PPFIA2: variants seen among roughly 807,000 people sequenced by gnomAD.
PPFIA2 encodes PPFI scaffold protein A2, also known as liprin-alpha-2.
In PPFIA2, 46 loss-of-function variants were observed where a neutral mutation model predicts 175.5. The observed-to-expected ratio is 0.26, with a 90% CI of 0.21 to 0.34. The LOEUF is 0.34. PPFIA2 is among the 10% of genes least tolerant of loss of function. PPFIA2 has a pLI of 1.00. For synonymous variants in PPFIA2, 568 were observed against 511.4 expected (o/e 1.11, Z -1.49); for missense variants, 1,179 against 1,506.1 (o/e 0.78, Z 3.60).
intron 7 of PPFIA2, among the ~76,000 whole-genome samples, chr12:81,420,449 TG>T: frequency 6.6e-6 from 1 of 150,942 alleles, no homozygotes; most frequent in Admixed American, 6.6e-5. Context: ...GAACAATACA[TG>T]AAAAAAATAA....
intron 13 of PPFIA2, among the ~76,000 whole-genome samples, chr12:81,367,704 A>C (rs1595671179): frequency 1.3e-5 from 2 of 151,690 alleles, no homozygotes; most frequent in African/African-American, 4.8e-5. Context: ...ACCTAATATT[A>C]CATGTCACAA....
intron 22 of PPFIA2, among the ~76,000 whole-genome samples, chr12:81,325,366 A>G (rs1264533737): frequency 6.6e-6 from 1 of 152,128 alleles, no homozygotes; most frequent in African/African-American, 2.4e-5. Context: ...GTTTATATTC[A>G]ATCAGTCAGA....
intron 4 of PPFIA2, among the ~76,000 whole-genome samples, chr12:81,649,529 C>T (rs1595992961): frequency 6.6e-6 from 1 of 152,066 alleles, no homozygotes; most frequent in Admixed American, 6.6e-5. Flanking sequence ...TAAATATGCA[C>T]TCATTGGAAA....
At chr12:81,422,865 A>T (rs1249316441) in intron 7 of PPFIA2, among the ~76,000 whole-genome samples, 1 of 152,114 alleles carries the variant, frequency 6.6e-6, no homozygotes, top group Non-Finnish European at 1.5e-5. Context: ...CTTTTGGGAG[A>T]TGTATTCAAG....
chr12:81,435,913 A>G (rs1004707079), intron 7 of PPFIA2, among the ~76,000 whole-genome samples: 5 of 152,148 alleles, frequency 3.3e-5, no homozygotes, highest in Non-Finnish European at 5.9e-5. Context: ...CAAGATGGCA[A>G]TATGAACTCA....
intron 24 of PPFIA2, among the ~76,000 whole-genome samples, chr12:81,286,126 A>G (rs984507938): frequency 1.3e-5 from 2 of 152,112 alleles, no homozygotes; most frequent in Non-Finnish European, 2.9e-5. Flanking sequence ...TTATAGGACA[A>G]GGATATAAAG....
chr12:81,403,003 C>T (rs74104418), intron 8 of PPFIA2, among the ~76,000 whole-genome samples: 2,562 of 152,058 alleles, frequency 0.017, 66 homozygotes, highest in African/African-American at 0.059. Flanking sequence ...ACATTATACA[C>T]ATTTTAGGTT....
chr12:81,754,346 GT>G (rs1371366150), intron 2 of PPFIA2, 123 bp from the exon 3 acceptor site: 9 of 1,240,978 alleles, frequency 7.3e-6, no homozygotes, highest in African/African-American at 3.0e-5. Flanking sequence ...TCCCCTACCT[GT>G]TGCCCCAAAT....
intron 7 of PPFIA2, among the ~76,000 whole-genome samples, chr12:81,417,565 G>T (rs1376312401): frequency 6.6e-6 from 1 of 150,944 alleles, no homozygotes; most frequent in Non-Finnish European, 1.5e-5. Context: ...GCAATAAAAA[G>T]GATTTATTCA....
chr12:81,696,315 G>T (rs750063325), intron 3 of PPFIA2, among the ~76,000 whole-genome samples: 1 of 152,030 alleles, frequency 6.6e-6, no homozygotes. Context: ...ATTTTGATTT[G>T]CACATTGGCA....
chr12:81,744,421 T>TAA (rs2082763051), intron 3 of PPFIA2, among the ~76,000 whole-genome samples: 1 of 137,962 alleles, frequency 7.2e-6, no homozygotes, highest in Non-Finnish European at 1.6e-5. Flanking sequence ...AAATGCTTTC[T>TAA]TTTTTTTTTT....
At chr12:81,340,115 C>T (rs2057799885) in intron 20 of PPFIA2, among the ~76,000 whole-genome samples, 1 of 152,048 alleles carries the variant, frequency 6.6e-6, no homozygotes. Context: ...TTAATTTGAA[C>T]TCACATTCCC....
chr12:81,551,490 AC>A (rs2067913894), intron 4 of PPFIA2, among the ~76,000 whole-genome samples: 1 of 151,998 alleles, frequency 6.6e-6, no homozygotes, highest in African/African-American at 2.4e-5. Flanking sequence ...GTGACTATTT[AC>A]AAAGCACTCA....
chr12:81,477,753 C>T lies in PPFIA2; in HGVS notation c.304-19887G>A, dbSNP rs972826211. On this transcript the variant is annotated intron_variant, in intron 4 of 32. Coordinates refer to ENST00000549396, the MANE Select transcript of PPFIA2 (RefSeq NM_003625.5). ...CAGCCTTGCATCCTAGGGGTGAAGC[C>T]GACTTGATCGTGGTGGATAAGCTTT... is the stretch of plus-strand genomic sequence containing the variant. Among the ~76,000 whole-genome samples, 9 of 152,052 alleles carry T rather than the reference C, an allele frequency of 5.9e-5. No homozygotes were observed. The South Asian group carries it at 6.2e-4, about 11-fold the overall frequency.
chr12:81,415,261 T>TATA (rs2044998614), intron 7 of PPFIA2, among the ~76,000 whole-genome samples: 3 of 80,272 alleles, frequency 3.7e-5, no homozygotes, highest in Non-Finnish European at 7.6e-5. Context: ...ATATATATGT[T>TATA]TGTAAGAATT....
In PPFIA2 at chr12:81,694,797, C is replaced by T. The variant is rs115816929; in HGVS notation, c.250-17953G>A. ...GGAGAAGCCACAGGCATTCAACAAC[C>T]TGTGAGAGCAGCCTGGTGCTTAACT... is the stretch of plus-strand genomic sequence containing the variant. On this transcript the variant is annotated intron_variant, in intron 3 of 32. Transcript: ENST00000549396. Among the ~76,000 whole-genome samples the T allele has an allele frequency of 6.2e-3, 937 of 152,276 alleles. 10 individuals carry two copies. Among genetic ancestry groups the T allele is most frequent in the African/African-American group, 0.021 (863 of 41,572 alleles).
chr12:81,350,059 G>A (rs1456500887), intron 17 of PPFIA2, among the ~76,000 whole-genome samples: 1 of 152,024 alleles, frequency 6.6e-6, no homozygotes, highest in Non-Finnish European at 1.5e-5. Context: ...TAACCTACTG[G>A]CCAAGATTGT....
At chr12:81,706,946 G>T (rs1041479470) in intron 3 of PPFIA2, among the ~76,000 whole-genome samples, 65 of 152,226 alleles carry the variant, frequency 4.3e-4, no homozygotes, top group African/African-American at 1.5e-3. Context: ...AATAAATGGT[G>T]CTGGGAAAAC....
chr12:81,319,133 C>A (rs1475066715), intron 22 of PPFIA2, among the ~76,000 whole-genome samples: 1 of 151,756 alleles, frequency 6.6e-6, no homozygotes, highest in Non-Finnish European at 1.5e-5. Context: ...ATGGAGCCAG[C>A]ACAGGGCTTC....
Sources: gnomAD v4.1 joint callset for allele counts (sites outside exome capture counted in the v4.1 genomes callset) on GRCh38, gnomAD v4.1.1 for gene constraint, MANE v1.5 for transcripts, NCBI Gene and HGNC (gene_info 2026-07-23, HGNC 2026-07-21) for gene names.